The following NTM variants were observed in gnomAD, a reference collection of about 807,000 sequenced individuals.
NTM encodes the protein IgLON family member 2.
A neutral mutation model predicts 42.1 loss-of-function variants in NTM; 13 were observed. That is an observed-to-expected ratio of 0.31 (90% CI 0.20 to 0.49). NTM has a LOEUF of 0.49. NTM is among the 20% of genes least tolerant of loss of function. The probability of loss-of-function intolerance (pLI) is 0.99; values close to 1 mark genes in which losing one functional copy is unlikely to be tolerated. For missense variants in NTM, 373 were observed against 452.8 expected (o/e 0.82, Z 1.60); for synonymous variants, 187 against 179.2 (o/e 1.04, Z -0.35).
At chr11:131,460,678 G>C (rs754759497) in intron 1 of NTM, among the ~76,000 whole-genome samples, 24 of 152,036 alleles carry the variant, frequency 1.6e-4, no homozygotes, top group South Asian at 4.2e-4. Context: ...TCAACCTCCT[G>C]AGTAGCTGGG....
intron 4 of NTM, among the ~76,000 whole-genome samples, chr11:132,238,366 G>A (rs1028796430): frequency 6.6e-6 from 1 of 152,108 alleles, no homozygotes; most frequent in African/African-American, 2.4e-5. Flanking sequence ...GGTCCCAAAC[G>A]CCTGGGAAGA....
chr11:131,489,271 G>A (rs1326119266), intron 1 of NTM, among the ~76,000 whole-genome samples: 1 of 152,074 alleles, frequency 6.6e-6, no homozygotes, highest in Non-Finnish European at 1.5e-5. Flanking sequence ...AACTTTCTCA[G>A]CTTGCTTTTT....
intron 1 of NTM, among the ~76,000 whole-genome samples, chr11:131,766,871 GCCTCTTGATC>G (rs1235297962): frequency 1.4e-4 from 21 of 152,132 alleles, no homozygotes; most frequent in Admixed American, 1.2e-3. Context: ...TTCAGCCACA[GCCTCTTGATC>G]CCTTTCTTAA....
At chr11:131,768,560 C>T (rs554924834) in intron 1 of NTM, among the ~76,000 whole-genome samples, 1 of 152,266 alleles carries the variant, frequency 6.6e-6, no homozygotes, top group African/African-American at 2.4e-5. Flanking sequence ...TGAGGTGAGG[C>T]AGTGCAGCTG....
chr11:131,574,212 G>A (rs4936138), intron 1 of NTM, among the ~76,000 whole-genome samples: 2,265 of 152,198 alleles, frequency 0.015, 183 homozygotes, highest in Admixed American at 0.13. Flanking sequence ...ATGCTTCATA[G>A]TTATAGTGAA....
chr11:131,940,542 C>A (rs2059685826), intron 2 of NTM, among the ~76,000 whole-genome samples: 1 of 152,178 alleles, frequency 6.6e-6, no homozygotes, highest in South Asian at 2.1e-4. Flanking sequence ...GCAGACAATA[C>A]CTTATAGACA....
chr11:132,279,905 G>T (rs1035054908), intron 4 of NTM, among the ~76,000 whole-genome samples: 1 of 152,130 alleles, frequency 6.6e-6, no homozygotes, highest in African/African-American at 2.4e-5. Context: ...TTAATGGTGA[G>T]GACTGCCTCA....
intron 1 of NTM, chr11:131,581,892 T>G (rs1187569611): frequency 2.0e-5 from 3 of 152,198 alleles, no homozygotes; most frequent in African/African-American, 7.2e-5. Flanking sequence ...AGACTGCCCC[T>G]CACTCTCCCC....
intron 1 of NTM, among the ~76,000 whole-genome samples, chr11:131,500,333 T>C (rs1050827725): frequency 1.3e-5 from 2 of 152,128 alleles, no homozygotes; most frequent in African/African-American, 4.8e-5. Flanking sequence ...GGATCTAAGA[T>C]GTATTTATTC....
intron 1 of NTM, chr11:131,794,819 AC>A: frequency 2.0e-6 from 2 of 985,442 alleles, no homozygotes; most frequent in Non-Finnish European, 2.4e-6. Context: ...AGATTATGCT[AC>A]ATTAAAGAAA....
chr11:131,940,128 G>A (rs561185539), intron 2 of NTM, among the ~76,000 whole-genome samples: 4 of 152,346 alleles, frequency 2.6e-5, no homozygotes, highest in Admixed American at 2.0e-4. Flanking sequence ...GATGATCCCA[G>A]TATGGGATGA....
At chr11:131,911,439 G>C (rs373752573) in intron 1 of NTM, 125 bp from the exon 2 acceptor site, 2 of 1,613,444 alleles carry the variant, frequency 1.2e-6, no homozygotes, top group Non-Finnish European at 1.7e-6. Flanking sequence ...GGGGGCGTGT[G>C]CCGTGCGGCT....
chr11:132,319,296 T>G (rs1033215307), intron 7 of NTM, among the ~76,000 whole-genome samples: 2 of 152,194 alleles, frequency 1.3e-5, no homozygotes, highest in Non-Finnish European at 2.9e-5. Context: ...CAGCTCACCG[T>G]GTGCGAGCCG....
At chr11:131,520,277 C>T (rs1252254886) in intron 1 of NTM, among the ~76,000 whole-genome samples, 3 of 151,986 alleles carry the variant, frequency 2.0e-5, no homozygotes, top group African/African-American at 7.3e-5. Context: ...TTTAAGTCTA[C>T]CTGATAATCA....
intron 1 of NTM, among the ~76,000 whole-genome samples, chr11:131,676,433 G>A (rs1450177344): frequency 6.6e-6 from 1 of 151,000 alleles, no homozygotes; most frequent in Non-Finnish European, 1.5e-5. Flanking sequence ...GAGGGTGTGT[G>A]TATCTGTGTG....
chr11:131,767,064 T>A, intron 1 of NTM: 1 of 630,314 alleles, frequency 1.6e-6, no homozygotes, highest in East Asian at 1.4e-4. Flanking sequence ...CAGTCATCTC[T>A]CTGTGTGTGT....
chr11:132,233,768 A>G (rs1018882315), intron 4 of NTM, among the ~76,000 whole-genome samples: 9 of 152,190 alleles, frequency 5.9e-5, no homozygotes, highest in Non-Finnish European at 1.3e-4. Flanking sequence ...CTGCATGAAC[A>G]TGGACTCCTG....
chr11:131,696,499 A>T (rs1479075704), intron 1 of NTM, among the ~76,000 whole-genome samples: 4 of 152,084 alleles, frequency 2.6e-5, no homozygotes, highest in Non-Finnish European at 5.9e-5. Flanking sequence ...TCCATTTTCC[A>T]TATGGATTCT....
chr11:131,720,841 T>A (rs906786883), intron 1 of NTM, among the ~76,000 whole-genome samples: 9 of 152,136 alleles, frequency 5.9e-5, no homozygotes, highest in African/African-American at 2.2e-4. Flanking sequence ...CTGCCTCAAG[T>A]GTTTCATTGA....
Sources: allele counts gnomAD v4.1 joint callset (sites outside exome capture counted in the v4.1 genomes callset), GRCh38; gene constraint gnomAD v4.1.1; transcripts MANE v1.5; gene names NCBI Gene and HGNC (gene_info 2026-07-23, HGNC 2026-07-21).